USP26: variants seen among roughly 807,000 people sequenced by gnomAD.
The protein encoded by USP26 is ubiquitin carboxyl-terminal hydrolase 26.
For missense variants in USP26, 649 were observed against 642.3 expected (o/e 1.01, Z -0.11); for synonymous variants, 236 against 240.6 (o/e 0.98, Z 0.18).
rs779707219 is a variant in USP26, at chrX:133,027,646, T to C, written c.575A>G (p.Glu192Gly). The C allele has an allele frequency of 1.9e-5, 23 of 1,208,704 alleles. No homozygotes were observed. In the South Asian group the frequency reaches 3.4e-4, roughly 18 times the overall value. Residue 192 changes from glutamate (E) to glycine (G), a missense_variant, in exon 6 of 6, where the codon GAG becomes GGG. Glu to Gly is a moderately conservative substitution (Grantham distance 98, BLOSUM62 -2). Transcript: ENST00000511190. ...RMLSSSSEMNEEFLKENNSVE... is the reference protein window; with the variant it reads ...RMLSSSSEMNGEFLKENNSVE... The stretch of plus-strand genomic sequence containing the variant: ...AGAATTATTTTCTTTCAAGAATTCC[T>C]CATTCATCTCTGAGCTAGATGAGAG...
At chrX:133,087,380 C>A (rs1470788978) in intron 4 of USP26, among the ~76,000 whole-genome samples, 1 of 112,117 alleles carries the variant, frequency 8.9e-6, no homozygotes, top group East Asian at 2.8e-4. Flanking sequence ...TAATTCTATG[C>A]AGTTTGATTG....
chrX:133,041,995 C>G (rs949479225), intron 5 of USP26, among the ~76,000 whole-genome samples: 1 of 112,222 alleles, frequency 8.9e-6, no homozygotes, highest in Non-Finnish European at 1.9e-5. Flanking sequence ...ATCTTCCAGT[C>G]TCCTTAGCAT....
At chrX:133,042,799 C>T (rs762399006) in intron 5 of USP26, among the ~76,000 whole-genome samples, 1 of 112,117 alleles carries the variant, frequency 8.9e-6, no homozygotes, top group South Asian at 3.8e-4. Context: ...GTGCCTGTCA[C>T]TGCTAGGAAT....
intron 5 of USP26, among the ~76,000 whole-genome samples, chrX:133,081,285 A>T (rs1314910429): frequency 8.9e-6 from 1 of 112,164 alleles, no homozygotes; most frequent in Non-Finnish European, 1.9e-5. Context: ...GATGATTAAC[A>T]CTACTTACTA....
At chrX:133,046,052 AC>A in intron 5 of USP26, 1 of 111,593 alleles carries the variant, frequency 9.0e-6, no homozygotes, top group African/African-American at 3.3e-5. Flanking sequence ...GGGTGGTCCT[AC>A]AAGGATTCCT....
chrX:133,094,748 T>C (rs2067621903), intron 1 of USP26, among the ~76,000 whole-genome samples: 1 of 111,868 alleles, frequency 8.9e-6, no homozygotes, highest in Non-Finnish European at 1.9e-5. Flanking sequence ...CAATTTAGTG[T>C]CCTAAAACAA....
At position 133,028,164 on chromosome X, in the gene USP26, T is replaced by C; in HGVS notation, c.57A>G (p.Ile19Met). 1.7e-6 allele frequency: 2 copies of C among 1,210,563 alleles called. No individual in the cohort carries two copies. The highest frequency in any genetic ancestry group is 2.2e-6 in the Non-Finnish European group (2 of 894,323). ...FVQIGNCKTG[I>M]SKSKEAFIEA... The stretch of plus-strand genomic sequence containing the variant: ...CAATGAATGCTTCTTTTGACTTAGA[T>C]ATCCCAGTCTTGCAGTTCCCTATTT... Residue 19 changes from isoleucine (I) to methionine (M), a missense_variant, in exon 6 of 6, where the codon ATA becomes ATG. Transcript: ENST00000511190.
chrX:133,038,359 G>A (rs1023391341), intron 5 of USP26, among the ~76,000 whole-genome samples: 3 of 111,832 alleles, frequency 2.7e-5, no homozygotes, highest in Non-Finnish European at 5.6e-5. Context: ...AGTTTATTGA[G>A]AGATTTTAGC....
At chrX:133,069,183 G>A (rs964992257) in intron 5 of USP26, among the ~76,000 whole-genome samples, 3 of 111,934 alleles carry the variant, frequency 2.7e-5, no homozygotes, top group Non-Finnish European at 5.6e-5. Context: ...AGGCAATTAC[G>A]TGATATTTTG....
At chrX:133,079,423 T>G (rs1012702072) in intron 5 of USP26, among the ~76,000 whole-genome samples, 13 of 111,751 alleles carry the variant, frequency 1.2e-4, no homozygotes, top group African/African-American at 3.6e-4. Context: ...ATCTGCCAAA[T>G]CAAAGATCAT....
chrX:133,051,802 T>C (rs2067459943), intron 5 of USP26, among the ~76,000 whole-genome samples: 3 of 112,556 alleles, frequency 2.7e-5, no homozygotes, highest in African/African-American at 9.7e-5. Context: ...AAGTCAAACA[T>C]GCCTAAATGA....
chrX:133,053,236 A>G (rs2067465299), intron 5 of USP26, among the ~76,000 whole-genome samples: 2 of 112,055 alleles, frequency 1.8e-5, no homozygotes, highest in Non-Finnish European at 3.8e-5. Flanking sequence ...TTCTTAAAAT[A>G]TGAATAGAAA....
At chrX:133,031,257 T>A (rs1184765832) in intron 5 of USP26, among the ~76,000 whole-genome samples, 1 of 112,099 alleles carries the variant, frequency 8.9e-6, no homozygotes, top group African/African-American at 3.2e-5. Context: ...AGGTAATGAC[T>A]ATATGAGTTT....
intron 5 of USP26, among the ~76,000 whole-genome samples, chrX:133,071,042 C>T (rs777838454): frequency 2.7e-5 from 3 of 110,338 alleles, no homozygotes; most frequent in East Asian, 2.9e-4. Flanking sequence ...CATGGTGAAA[C>T]GCCATCTCTA....
chrX:133,050,189 G>A (rs775724503), intron 5 of USP26, among the ~76,000 whole-genome samples: 1 of 111,559 alleles, frequency 9.0e-6, no homozygotes, highest in African/African-American at 3.3e-5. Flanking sequence ...AGGTGATAAC[G>A]GCCTTTCTGC....
intron 5 of USP26, among the ~76,000 whole-genome samples, chrX:133,077,247 C>T (rs1399396841): frequency 8.9e-6 from 1 of 111,954 alleles, no homozygotes; most frequent in Non-Finnish European, 1.9e-5. Flanking sequence ...ATAATATTGA[C>T]TTGATGTTTG....
In USP26 at chrX:133,065,696, T is replaced by G. The variant is rs192145354; in HGVS notation, c.-77+18011A>C. 7.2e-5 allele frequency among the ~76,000 whole-genome samples: 8 copies of G among 111,657 alleles called. No individual in the cohort carries two copies. The East Asian group carries it at 2.3e-3, about 32-fold the overall frequency. On this transcript the variant is annotated intron_variant, in intron 5 of 5. Transcript: ENST00000511190. ...AATACCCCTTCATGCTAAAAACTCT[T>G]AATAAAGTAGGTATTGATGCAACAT... is the stretch of plus-strand genomic sequence containing the variant.
chrX:133,062,210 AG>A (rs1331360550), intron 5 of USP26, among the ~76,000 whole-genome samples: 1 of 111,664 alleles, frequency 9.0e-6, no homozygotes, highest in Non-Finnish European at 1.9e-5. Context: ...TTCACTGGGC[AG>A]GGCATCTGTG....
intron 5 of USP26, among the ~76,000 whole-genome samples, chrX:133,043,200 T>C (rs1033746496): frequency 8.9e-6 from 1 of 111,989 alleles, no homozygotes; most frequent in Non-Finnish European, 1.9e-5. Context: ...CACTGTGCTG[T>C]ACAGGGATTC....
Sources: gnomAD v4.1 joint callset for allele counts (sites outside exome capture counted in the v4.1 genomes callset) on GRCh38, gnomAD v4.1.1 for gene constraint, MANE v1.5 for transcripts, NCBI Gene and HGNC (gene_info 2026-07-23, HGNC 2026-07-21) for gene names.